DPP10: variants seen among roughly 807,000 people sequenced by gnomAD.
DPP10 encodes dipeptidyl peptidase like 10.
Under a neutral mutation model 120.9 loss-of-function variants are expected in DPP10, and 33 were observed. That is an observed-to-expected ratio of 0.27 (90% CI 0.21 to 0.37). The LOEUF is 0.37. Among genes scored for constraint, DPP10 ranks in the 10% least tolerant of loss-of-function variants. The pLI is 1.00. For synonymous variants in DPP10, 337 were observed against 326.1 expected, an observed-to-expected ratio of 1.03 and a Z score of -0.36; for missense variants, 816 against 942.8, an observed-to-expected ratio of 0.87 and a Z score of 1.76.
chr2:114,681,716 C>A (rs1699040389), intron 1 of DPP10, among the ~76,000 whole-genome samples: 1 of 151,956 alleles, frequency 6.6e-6, no homozygotes. Context: ...TCAGGGGAGC[C>A]TTTGCCTGAC....
At chr2:114,578,422 C>G (rs941288770) in intron 1 of DPP10, among the ~76,000 whole-genome samples, 1 of 152,032 alleles carries the variant, frequency 6.6e-6, no homozygotes, top group African/African-American at 2.4e-5. Context: ...TGGTCCATTT[C>G]TTTTTATTTC....
chr2:114,987,965 G>A (rs1478392072), intron 1 of DPP10, among the ~76,000 whole-genome samples: 2 of 151,638 alleles, frequency 1.3e-5, no homozygotes, highest in African/African-American at 2.4e-5. Flanking sequence ...CACCACGCCC[G>A]GCTAATTTTT....
chr2:114,754,431 T>G (rs1679545182), intron 1 of DPP10, among the ~76,000 whole-genome samples: 1 of 152,206 alleles, frequency 6.6e-6, no homozygotes, highest in South Asian at 2.1e-4. Context: ...GTATAATGAT[T>G]CGATTGATTT....
At chr2:115,771,984 A>G (rs1407816749) in intron 13 of DPP10, among the ~76,000 whole-genome samples, 2 of 151,638 alleles carry the variant, frequency 1.3e-5, no homozygotes, top group African/African-American at 4.8e-5. Flanking sequence ...CGGTCACTAC[A>G]TATATTTTAG....
chr2:114,771,702 G>T (rs564201530), intron 1 of DPP10, among the ~76,000 whole-genome samples: 1 of 152,312 alleles, frequency 6.6e-6, no homozygotes, highest in South Asian at 2.1e-4. Context: ...AAGTGGAAAA[G>T]GGAGCATGTG....
At chr2:115,459,938 T>TATATATACAC (rs66927327) in intron 3 of DPP10, among the ~76,000 whole-genome samples, 29 of 128,522 alleles carry the variant, frequency 2.3e-4, no homozygotes, top group Admixed American at 7.0e-4. Context: ...TATATATATA[T>TATATATACAC]ACACACACAC....
At chr2:115,054,000 T>C (rs1705703688) in intron 1 of DPP10, among the ~76,000 whole-genome samples, 2 of 152,200 alleles carry the variant, frequency 1.3e-5, no homozygotes, top group Non-Finnish European at 2.9e-5. Context: ...ATATTATCAT[T>C]GGCAGTGCTT....
chr2:115,692,062 A>G (rs1271111107), intron 7 of DPP10, among the ~76,000 whole-genome samples: 1 of 152,010 alleles, frequency 6.6e-6, no homozygotes. Context: ...TTTCTTTTCC[A>G]TTTCAATTTT....
At chr2:114,903,891 A>T (rs899915484) in intron 1 of DPP10, among the ~76,000 whole-genome samples, 2 of 152,248 alleles carry the variant, frequency 1.3e-5, no homozygotes, top group Non-Finnish European at 2.9e-5. Flanking sequence ...CTCAGAATGA[A>T]ATCTGCCTTA....
intron 1 of DPP10, among the ~76,000 whole-genome samples, chr2:114,972,687 C>G (rs1419928107): frequency 6.6e-6 from 1 of 152,128 alleles, no homozygotes; most frequent in Non-Finnish European, 1.5e-5. Flanking sequence ...TTGTATATAT[C>G]TAAAAGCTGA....
chr2:114,672,743 AT>A lies in DPP10; in HGVS notation c.60+229908del, dbSNP rs557162580. Among the ~76,000 whole-genome samples, 9 of 152,240 alleles carry A rather than the reference AT, an allele frequency of 5.9e-5. No homozygotes were observed. The South Asian group carries it at 1.9e-3, about 32-fold the overall frequency. Reference sequence around the variant, plus strand: ...GAGATTGTCTGATTCTTGAAACTGCATTTGTTACTTTGTGCAATTTATAGCA... The same window carrying A: ...GAGATTGTCTGATTCTTGAAACTGCATTGTTACTTTGTGCAATTTATAGCA... On this transcript the variant is annotated intron_variant, in intron 1 of 25. Transcript: ENST00000410059.
chr2:115,367,017 G>T (rs2065119226), intron 3 of DPP10, among the ~76,000 whole-genome samples: 1 of 151,928 alleles, frequency 6.6e-6, no homozygotes, highest in Non-Finnish European at 1.5e-5. Context: ...TATATACGAA[G>T]ATATTTTCTG....
At chr2:115,352,303 A>G (rs549658958) in intron 3 of DPP10, among the ~76,000 whole-genome samples, 1 of 152,310 alleles carries the variant, frequency 6.6e-6, no homozygotes, top group East Asian at 1.9e-4. Context: ...AGTTATGTTC[A>G]GAGTTCATCA....
rs954504066 is a variant in DPP10 at position 114,875,327 on chromosome 2, T to C, written c.60+432489T>C. On this transcript the variant is annotated intron_variant, in intron 1 of 25. Transcript: ENST00000410059. ...CTACTCACAAAGACCTCATAGCCAT[T>C]TGGGACAGCAGACCACAAATGAATA... Among the ~76,000 whole-genome samples the C allele has an allele frequency of 5.9e-5, 9 of 152,132 alleles. No individual in the cohort carries two copies. In the East Asian group the frequency reaches 7.7e-4, roughly 13 times the overall value.
intron 5 of DPP10, among the ~76,000 whole-genome samples, chr2:115,600,848 C>T (rs2083278959): frequency 6.6e-6 from 1 of 152,166 alleles, no homozygotes; most frequent in Admixed American, 6.5e-5. Flanking sequence ...TTTAAATTTG[C>T]ACAAAAGCAT....
rs572955266 is a variant in DPP10, at chr2:114,921,941, C to T, written c.61-387298C>T. ...CTTTTATTGATTATTTTCTGAGCCACCTACTCTACTACTTTTTGAGGTTTA... is the reference window on the plus strand; with the variant it reads ...CTTTTATTGATTATTTTCTGAGCCATCTACTCTACTACTTTTTGAGGTTTA... On this transcript the variant is annotated intron_variant, in intron 1 of 25. Transcript: ENST00000410059. Among the ~76,000 whole-genome samples the T allele has an allele frequency of 2.2e-4, 34 of 152,330 alleles. 1 individual carries two copies. The highest frequency in any genetic ancestry group is 8.2e-4 in the African/African-American group (34 of 41,580).
At chr2:114,827,792 T>C (rs1202099508) in intron 1 of DPP10, among the ~76,000 whole-genome samples, 1 of 152,212 alleles carries the variant, frequency 6.6e-6, no homozygotes, top group Non-Finnish European at 1.5e-5. Flanking sequence ...TTGTGAGGAT[T>C]CAAAGGCTCA....
chr2:115,479,588 C>A (rs2075303321), intron 3 of DPP10, among the ~76,000 whole-genome samples: 1 of 151,676 alleles, frequency 6.6e-6, no homozygotes, highest in Non-Finnish European at 1.5e-5. Context: ...GTGCAATTTA[C>A]TATAATTAAA....
intron 3 of DPP10, among the ~76,000 whole-genome samples, chr2:115,409,180 A>G (rs918640264): frequency 3.3e-5 from 5 of 152,206 alleles, no homozygotes; most frequent in Non-Finnish European, 5.9e-5. Flanking sequence ...TATAAACGGA[A>G]CATTATGAAC....
Sources: allele counts gnomAD v4.1 joint callset (sites outside exome capture counted in the v4.1 genomes callset), GRCh38; gene constraint gnomAD v4.1.1; transcripts MANE v1.5; gene names NCBI Gene and HGNC (gene_info 2026-07-23, HGNC 2026-07-21).